RP1: variants seen among roughly 807,000 people sequenced by gnomAD.
RP1 encodes RP1 axonemal microtubule associated, also known as oxygen-regulated protein 1.
In RP1, 16 loss-of-function variants were observed where a neutral mutation model predicts 14.8. That is an observed-to-expected ratio of 1.08 (90% CI 0.73 to 1.65). RP1 has a LOEUF of 1.65. Among genes scored for constraint, RP1 ranks in the 40% most tolerant of loss-of-function variants. RP1 has a pLI of 0.00. For missense variants in RP1, 2,631 were observed against 2,535.0 expected, an observed-to-expected ratio of 1.04 and a Z score of -0.81; for synonymous variants, 876 against 883.6, an observed-to-expected ratio of 0.99 and a Z score of 0.15.
chr8:54,864,855 G>T (rs1376251636), intron 27 of RP1, among the ~76,000 whole-genome samples: 2 of 152,094 alleles, frequency 1.3e-5, no homozygotes, highest in African/African-American at 4.8e-5. Flanking sequence ...TCATCCACAT[G>T]AATTTTATTA....
chr8:54,577,754 C>T (rs1031803413), intron 1 of RP1, among the ~76,000 whole-genome samples: 2 of 152,066 alleles, frequency 1.3e-5, no homozygotes, highest in Admixed American at 6.5e-5. Context: ...GTTTAACTAC[C>T]CCTCACGGAG....
intron 23 of RP1, among the ~76,000 whole-genome samples, chr8:54,777,949 T>G (rs1327679903): frequency 1.3e-5 from 2 of 152,214 alleles, no homozygotes; most frequent in African/African-American, 4.8e-5. Flanking sequence ...AAGGACTTGT[T>G]TTTGTTAATT....
intron 3 of RP1, among the ~76,000 whole-genome samples, chr8:54,645,150 T>G (rs1391952238): frequency 3.3e-5 from 5 of 152,180 alleles, no homozygotes; most frequent in African/African-American, 1.2e-4. Flanking sequence ...TGATGGACAT[T>G]TGGGTTACTC....
At chr8:54,721,563 C>T (rs1173682326) in intron 16 of RP1, among the ~76,000 whole-genome samples, 1 of 152,104 alleles carries the variant, frequency 6.6e-6, no homozygotes, top group Admixed American at 6.6e-5. Context: ...TGTGGCAAGA[C>T]ATAAGAGAGA....
intron 3 of RP1, among the ~76,000 whole-genome samples, chr8:54,637,634 T>C (rs1806377681): frequency 6.6e-6 from 1 of 152,156 alleles, no homozygotes. Flanking sequence ...TTTTCAATTT[T>C]AGATTTTGTG....
chr8:54,722,046 C>A (rs963134980), intron 16 of RP1, among the ~76,000 whole-genome samples: 2 of 151,742 alleles, frequency 1.3e-5, no homozygotes, highest in Admixed American at 6.6e-5. Flanking sequence ...AATTTGAGAC[C>A]GGCCTGGCCA....
At chr8:54,817,790 C>A (rs1811168782) in intron 24 of RP1, among the ~76,000 whole-genome samples, 1 of 152,074 alleles carries the variant, frequency 6.6e-6, no homozygotes, top group South Asian at 2.1e-4. Flanking sequence ...GTATGATGTA[C>A]ATAAAATAAA....
chr8:54,847,570 T>C (rs1811955139), intron 25 of RP1, among the ~76,000 whole-genome samples: 1 of 152,258 alleles, frequency 6.6e-6, no homozygotes, highest in African/African-American at 2.4e-5. Context: ...CCACTGGCTC[T>C]CTGAGACGAG....
At chr8:54,760,647 C>T (rs1236032270) in intron 22 of RP1, among the ~76,000 whole-genome samples, 1 of 152,028 alleles carries the variant, frequency 6.6e-6, no homozygotes, top group Non-Finnish European at 1.5e-5. Flanking sequence ...TATATTTCCC[C>T]CTCCAATTTG....
Position 54,730,122 on chromosome 8 carries a change from T to C in RP1, c.2521+3646T>C, listed in dbSNP as rs138954269. The stretch of plus-strand genomic sequence containing the variant: ...ACAGGAAGAGTGCAGAAATAAGCCA[T>C]TCCATTTCAGATAATCCTAATCACT... On this transcript the variant is annotated intron_variant, in intron 17 of 22. Coordinates refer to the RP1 transcript ENST00000636932. Among the ~76,000 whole-genome samples the C allele has an allele frequency of 1.6e-3, 248 of 152,194 alleles. 2 individuals carry two copies. Among genetic ancestry groups the C allele is most frequent in the African/African-American group, 5.6e-3 (234 of 41,560 alleles).
intron 25 of RP1, among the ~76,000 whole-genome samples, chr8:54,840,972 A>T (rs1249586489): frequency 2.0e-5 from 3 of 152,224 alleles, no homozygotes; most frequent in East Asian, 1.9e-4. Flanking sequence ...AAATATTTGC[A>T]CATTTAGGGG....
Position 54,722,427 on chromosome 8 carries a change from C to T in RP1, c.2389+2121C>T, listed in dbSNP as rs941551750. Among the ~76,000 whole-genome samples the T allele has an allele frequency of 8.6e-5, 13 of 151,958 alleles. No individual in the cohort carries two copies. The South Asian group carries it at 2.7e-3, about 32-fold the overall frequency. ...CTGGGACTACAGGCGCCCGCCACCG[C>T]GCCCAGCTAATTTTTTGTATTTTTC... is the stretch of plus-strand genomic sequence containing the variant. On this transcript the variant is annotated intron_variant, in intron 16 of 22. Transcript: ENST00000636932.
At chr8:54,856,355 A>G (rs1812199571) in intron 26 of RP1, among the ~76,000 whole-genome samples, 1 of 152,112 alleles carries the variant, frequency 6.6e-6, no homozygotes, top group Admixed American at 6.5e-5. Context: ...ACTTACATGG[A>G]TGTGTTTGTT....
intron 14 of RP1, among the ~76,000 whole-genome samples, chr8:54,702,175 C>G (rs1808037288): frequency 6.6e-6 from 1 of 152,050 alleles, no homozygotes; most frequent in Non-Finnish European, 1.5e-5. Flanking sequence ...TAAATTTAAT[C>G]ATCACAAAAA....
intron 24 of RP1, among the ~76,000 whole-genome samples, chr8:54,808,788 C>G (rs1202088146): frequency 6.6e-6 from 1 of 152,108 alleles, no homozygotes. Context: ...AGTTGCTTAC[C>G]TCTTTGTTCA....
intron 24 of RP1, among the ~76,000 whole-genome samples, chr8:54,813,049 G>A (rs1226441155): frequency 6.6e-6 from 1 of 152,150 alleles, no homozygotes; most frequent in African/African-American, 2.4e-5. Context: ...TCTTATTGTG[G>A]ATAATGGTGA....
At chr8:54,570,461 T>G (rs1256569554) in intron 1 of RP1, among the ~76,000 whole-genome samples, 1 of 151,788 alleles carries the variant, frequency 6.6e-6, no homozygotes, top group East Asian at 1.9e-4. Flanking sequence ...CCTGAGTAGC[T>G]GGGATTACAG....
At chr8:54,867,042 T>C (rs114130259) in intron 28 of RP1, among the ~76,000 whole-genome samples, 427 of 152,286 alleles carry the variant, frequency 2.8e-3, no homozygotes, top group African/African-American at 9.6e-3. Flanking sequence ...GAACTTCCAA[T>C]TGATGCTCAA....
intron 22 of RP1, among the ~76,000 whole-genome samples, chr8:54,761,776 C>T (rs779900417): frequency 6.6e-6 from 1 of 152,054 alleles, no homozygotes; most frequent in African/African-American, 2.4e-5. Flanking sequence ...TCATGTAATA[C>T]CCTGATGAAG....
Sources: gnomAD v4.1 joint callset for allele counts (sites outside exome capture counted in the v4.1 genomes callset) on GRCh38, gnomAD v4.1.1 for gene constraint, MANE v1.5 for transcripts, NCBI Gene and HGNC (gene_info 2026-07-23, HGNC 2026-07-21) for gene names.